Variants in TUBB4B observed in about 807,000 individuals in gnomAD.
TUBB4B encodes tubulin beta-4B chain.
A neutral mutation model predicts 34.3 loss-of-function variants in TUBB4B; 7 were observed. The ratio of observed to expected loss-of-function variants is 0.20; its 90% CI spans 0.12 to 0.38. The LOEUF (loss-of-function observed/expected upper bound fraction) is 0.38. TUBB4B is among the 10% of genes least tolerant of loss of function. The pLI, the probability that TUBB4B is intolerant of heterozygous loss-of-function variation, is 1.00. For missense variants in TUBB4B, 178 were observed against 610.9 expected, an observed-to-expected ratio of 0.29 and a Z score of 7.47; for synonymous variants, 390 against 250.2, an observed-to-expected ratio of 1.56 and a Z score of -5.27.
At position 137,241,358 on chromosome 9, in the gene TUBB4B, A is replaced by C. The variant is rs772677640; in HGVS notation, c.-3A>C. 8.1e-6 allele frequency: 13 copies of C among 1,597,274 alleles called. No homozygotes were observed. The highest frequency in any genetic ancestry group is 2.3e-5 in the East Asian group (1 of 43,772). ...CTGCTTCCCCGCCGCCGCCGCCGCC[A>C]TCATGAGGGAAATCGTGCACTTGCA... On this transcript the variant is annotated 5_prime_UTR_variant, in exon 1 of 4. Coordinates refer to ENST00000340384, the MANE Select transcript of TUBB4B (RefSeq NM_006088.6).
At chr9:137,242,109 C>T (rs942523904) in intron 3 of TUBB4B, 88 bp downstream of exon 3, 42 of 1,287,312 alleles carry the variant, frequency 3.3e-5, no homozygotes, top group Non-Finnish European at 4.2e-5. Flanking sequence ...AGCCGGGGCC[C>T]CTGGACGCCC....
chr9:137,241,439 G>T (rs747484160), intron 1 of TUBB4B, 22 bp downstream of exon 1: 8 of 1,561,518 alleles, frequency 5.1e-6, no homozygotes, highest in Non-Finnish European at 5.2e-6. Flanking sequence ...GGGCGCTGGG[G>T]CCAGGCGGGC....
At position 137,241,465 on chromosome 9, in the gene TUBB4B, G is replaced by C. The variant is rs774290892; in HGVS notation, c.57+48G>C. 3.5e-6 allele frequency: 5 copies of C among 1,435,100 alleles called. No homozygotes were observed. The South Asian group carries it at 6.9e-5, about 20-fold the overall frequency. The allele number at this position is 1,435,100 out of a possible 1,614,324, so 88.9% of individuals were successfully genotyped here. On this transcript the variant is annotated intron_variant, in intron 1 of 3. Transcript: ENST00000340384. Reference sequence around the variant, plus strand: ...CCAGGCGGGCCTGCCGGGCGGTGTGGGCGGGCGGCCGGGGAAGATGGCGGC... The same window carrying C: ...CCAGGCGGGCCTGCCGGGCGGTGTGCGCGGGCGGCCGGGGAAGATGGCGGC...
chr9:137,242,563 G>C lies in TUBB4B; in HGVS notation c.345G>C (p.Ser115=), dbSNP rs1033296388. The change falls in exon 4 of 4, where the codon TCG becomes TCC. Residue 115 remains serine, a synonymous_variant. Transcript: ENST00000340384. ...HYTEGAELVD[S]VLDVVRKEAE... is the part of the protein sequence containing the mutation. ...CAGAAGGCGCGGAGCTGGTGGACTC[G>C]GTGCTGGATGTTGTGAGAAAGGAGG... 6.2e-7 allele frequency: 1 copy of C among 1,613,942 alleles called. No individual in the cohort carries two copies. The highest frequency in any genetic ancestry group is 1.1e-5 in the South Asian group (1 of 91,084).
chr9:137,241,456 G>A (rs1836738105), intron 1 of TUBB4B, 39 bp downstream of exon 1: 3 of 1,477,192 alleles, frequency 2.0e-6, no homozygotes, highest in East Asian at 5.7e-5. Context: ...GGGCCTGCCG[G>A]GCGGTGTGGG....
chr9:137,241,494 A>C (rs987863534), intron 1 of TUBB4B, 77 bp downstream of exon 1: 1 of 1,191,396 alleles, frequency 8.4e-7, no homozygotes, highest in East Asian at 3.7e-5. Context: ...TGGCGGCAGC[A>C]GCGGCCGGGC....
At chr9:137,241,697 C>G in intron 1 of TUBB4B, 24 bp from the exon 2 acceptor site, 1 of 1,600,226 alleles carries the variant, frequency 6.2e-7, no homozygotes, top group Non-Finnish European at 8.5e-7. Flanking sequence ...CCGGCCCGCC[C>G]GGGCCCGCCC....
chr9:137,242,324 TAATTCG>T, intron 3 of TUBB4B, 166 bp from the exon 4 acceptor site: 1 of 823,940 alleles, frequency 1.2e-6, no homozygotes, highest in South Asian at 1.8e-5. Flanking sequence ...GCCCCTGACT[TAATTCG>T]TAGCAGGGCA....
In TUBB4B at chr9:137,242,479, G is replaced by C. The variant is rs372125446; in HGVS notation, c.278-17G>C. 2 of 1,607,740 alleles carry C rather than the reference G, an allele frequency of 1.2e-6. No homozygotes were observed. The highest frequency in any genetic ancestry group is 1.7e-6 in the Non-Finnish European group (2 of 1,175,896). On this transcript the variant is annotated splice_polypyrimidine_tract_variant and intron_variant, in intron 3 of 3. Coordinates refer to ENST00000340384, the MANE Select transcript of TUBB4B (RefSeq NM_006088.6). ...TGTCTACCTGGCTGACAAATGATTA[G>C]CTGTGTTCTCTCACAGGTCAGAGTG...
rs773307874 is a variant in TUBB4B at position 137,242,899 on chromosome 9, C to T, written c.681C>T (p.His227=). The T allele has an allele frequency of 6.2e-7, 1 of 1,613,228 alleles. No individual in the cohort carries two copies. The highest frequency in any genetic ancestry group is 8.5e-7 in the Non-Finnish European group (1 of 1,180,024). ...LTTPTYGDLN[H]LVSATMSGVT... The stretch of plus-strand genomic sequence containing the variant: ...CGCCCACCTATGGTGACCTGAACCA[C>T]CTGGTGTCTGCTACCATGAGTGGGG... Residue 227 remains histidine, a synonymous_variant, in exon 4 of 4, where the codon CAC becomes CAT. Transcript: ENST00000340384.
At chr9:137,242,451 T>G (rs1243356419) in intron 3 of TUBB4B, 45 bp from the exon 4 acceptor site, 1 of 1,589,952 alleles carries the variant, frequency 6.3e-7, no homozygotes, top group African/African-American at 1.3e-5. Flanking sequence ...TGACCAGTAG[T>G]GCTGTCTACC....
At chr9:137,241,673 G>T (rs1836747590) in intron 1 of TUBB4B, 48 bp from the exon 2 acceptor site, 5 of 1,501,968 alleles carry the variant, frequency 3.3e-6, no homozygotes, top group East Asian at 2.7e-5. Context: ...CGCACCGGCC[G>T]CGGTGACTCA....
At position 137,242,839 on chromosome 9, in the gene TUBB4B, C is replaced by G. The variant is rs550675924; in HGVS notation, c.621C>G (p.Leu207=). Residue 207 remains leucine (L), a synonymous_variant, in exon 4 of 4, where the codon CTC becomes CTG. Coordinates refer to ENST00000340384, the MANE Select transcript of TUBB4B (RefSeq NM_006088.6). Reference sequence around the variant, plus strand: ...CCTACTGCATTGATAACGAAGCTCTCTACGACATTTGCTTCAGAACCCTAA... The same window carrying G: ...CCTACTGCATTGATAACGAAGCTCTGTACGACATTTGCTTCAGAACCCTAA... ...DETYCIDNEA[L]YDICFRTLKL... 1 of 1,613,790 alleles carries G rather than the reference C, an allele frequency of 6.2e-7. No homozygotes were observed. Among genetic ancestry groups the G allele is most frequent in the Non-Finnish European group, 8.5e-7 (1 of 1,180,038 alleles).
chr9:137,242,289 G>T (rs1040819396), intron 3 of TUBB4B: 1 of 698,764 alleles, frequency 1.4e-6, no homozygotes, highest in African/African-American at 1.8e-5. Flanking sequence ...CCCCCGGGGA[G>T]GGGTTTGTTA....
chr9:137,242,463 G>C, intron 3 of TUBB4B, 33 bp from the exon 4 acceptor site: 1 of 1,599,108 alleles, frequency 6.3e-7, no homozygotes. Flanking sequence ...CTGTCTACCT[G>C]GCTGACAAAT....
chr9:137,242,726 G>A lies in TUBB4B; in HGVS notation c.508G>A (p.Val170Met). 6.2e-7 allele frequency: 1 copy of A among 1,613,808 alleles called. No individual in the cohort carries two copies. The highest frequency in any genetic ancestry group is 8.5e-7 in the Non-Finnish European group (1 of 1,180,030). The change falls in exon 4 of 4, where the codon GTG (valine) becomes ATG (methionine). Residue 170 changes from valine to methionine, a missense_variant. Physicochemically the swap from Val to Met is conservative, Grantham distance 21. Transcript: ENST00000340384. ...CAGGATCATGAACACGTTTAGTGTG[G>A]TGCCTTCGCCCAAAGTGTCAGACAC... ...PDRIMNTFSVVPSPKVSDTVV... is the reference protein window; with the variant it reads ...PDRIMNTFSVMPSPKVSDTVV...
In TUBB4B at chr9:137,241,552, C is replaced by G. The variant is rs1836742246; in HGVS notation, c.57+135C>G. 7 of 898,050 alleles carry G rather than the reference C, an allele frequency of 7.8e-6. No homozygotes were observed. In the South Asian group the frequency reaches 2.6e-4, roughly 33 times the overall value. 55.6% of individuals were successfully genotyped at this position (898,050 alleles called of 1,614,324 possible). A position where few individuals can be genotyped will look rare whatever the true frequency, so the allele number is the denominator to read the frequency against. ...CGGGCCCCCTCCGCGGGGAATTGGC[C>G]GAGCCGGGCGACCGAAGCCCCCAGG... is the stretch of plus-strand genomic sequence containing the variant. On this transcript the variant is annotated intron_variant, in intron 1 of 3. Transcript: ENST00000340384.
In TUBB4B at chr9:137,242,718, TTA is replaced by T; in HGVS notation, c.501_502del (p.Phe167LeufsTer36). 1 of 1,613,722 alleles carries T rather than the reference TTA, an allele frequency of 6.2e-7. No individual in the cohort carries two copies. Among genetic ancestry groups the T allele is most frequent in the South Asian group, 1.1e-5 (1 of 91,082 alleles). On this transcript the variant is annotated frameshift_variant, in exon 4 of 4. Transcript: ENST00000340384. LOFTEE classifies it high-confidence loss of function. ...TACCCAGACAGGATCATGAACACGT[TTA>T]GTGTGGTGCCTTCGCCCAAAGTGTC...
chr9:137,241,852 G>A (rs769117764), intron 2 of TUBB4B, 23 bp downstream of exon 2: 108 of 1,611,876 alleles, frequency 6.7e-5, no homozygotes, highest in Non-Finnish European at 9.0e-5. Flanking sequence ...CCCCTTCCCC[G>A]ACCGCCCTCC....
Sources: gnomAD v4.1 joint callset for allele counts on GRCh38, gnomAD v4.1.1 for gene constraint, MANE v1.5 for transcripts, NCBI Gene and HGNC (gene_info 2026-07-23, HGNC 2026-07-21) for gene names.